YWHAB: variants seen among roughly 807,000 people sequenced by gnomAD.
YWHAB encodes the protein tyrosine 3-monooxygenase/tryptophan 5-monooxygenase activation protein beta, also known as 14-3-3 protein beta/alpha.
YWHAB carries 2 observed loss-of-function variants against 28.5 expected under a neutral mutation model. That is an observed-to-expected ratio of 0.07 (90% CI 0.03 to 0.22). The LOEUF is 0.22. Ranked by LOEUF, YWHAB falls within the 10% of genes least tolerant of loss-of-function variation. The pLI is 1.00. For synonymous variants in YWHAB, 103 were observed against 104.7 expected (o/e 0.98, Z 0.10); for missense variants, 148 against 297.1 (o/e 0.50, Z 3.69).
intron 2 of YWHAB, chr20:44,903,636 G>A (rs1002016251): frequency 1.1e-5 from 2 of 178,136 alleles, no homozygotes; most frequent in African/African-American, 4.8e-5. Context: ...GTATCTTAAT[G>A]TTAAAATAGG....
chr20:44,895,827 A>C (rs2066592674), intron 1 of YWHAB, among the ~76,000 whole-genome samples: 1 of 152,200 alleles, frequency 6.6e-6, no homozygotes, highest in Admixed American at 6.5e-5. Context: ...CTAGGTACAA[A>C]TGTAATGAAG....
At position 44,903,671 on chromosome 20, in the gene YWHAB, T is replaced by C. The variant is rs962820441; in HGVS notation, c.301-322T>C. Reference sequence around the variant, plus strand: ...GATTCTTGTGGTATTTATAATCTGCTTTTTTTCCACTCAGATTTCTTTTGA... The same window carrying C: ...GATTCTTGTGGTATTTATAATCTGCCTTTTTTCCACTCAGATTTCTTTTGA... On this transcript the variant is annotated intron_variant, in intron 2 of 5. Coordinates refer to ENST00000353703, the MANE Select transcript of YWHAB (RefSeq NM_139323.4). The C allele has an allele frequency of 7.1e-5, 14 of 197,310 alleles. No individual in the cohort carries two copies. In the Admixed American group the frequency reaches 8.3e-4, roughly 12 times the overall value. 12.2% of individuals were successfully genotyped at this position (197,310 alleles called of 1,614,324 possible).
intron 4 of YWHAB, 157 bp downstream of exon 4, chr20:44,905,288 CT>C (rs1568637479): frequency 4.8e-6 from 3 of 619,024 alleles, no homozygotes; most frequent in Non-Finnish European, 5.0e-6. Flanking sequence ...AGATCTGTTA[CT>C]TTTTTAATTC....
chr20:44,888,473 A>G (rs1389033157), intron 1 of YWHAB, among the ~76,000 whole-genome samples: 1 of 152,238 alleles, frequency 6.6e-6, no homozygotes, highest in Non-Finnish European at 1.5e-5. Context: ...AGCGCAAGGT[A>G]AGTGCCAGAA....
At chr20:44,904,158 C>T in intron 3 of YWHAB, 42 bp downstream of exon 3, 2 of 1,606,800 alleles carry the variant, frequency 1.2e-6, no homozygotes, top group Non-Finnish European at 1.7e-6. Flanking sequence ...AGTAATGGAG[C>T]CAGTCTTCTT....
At chr20:44,892,613 A>G (rs1256001491) in intron 1 of YWHAB, among the ~76,000 whole-genome samples, 1 of 152,226 alleles carries the variant, frequency 6.6e-6, no homozygotes, top group East Asian at 1.9e-4. Context: ...ATTGGATTAT[A>G]TGTGTTACAT....
At chr20:44,895,225 A>G (rs1439504583) in intron 1 of YWHAB, among the ~76,000 whole-genome samples, 1 of 152,198 alleles carries the variant, frequency 6.6e-6, no homozygotes, top group African/African-American at 2.4e-5. Flanking sequence ...CTCTAGATGA[A>G]GGGAACTACA....
chr20:44,886,991 T>C lies in YWHAB; in HGVS notation c.-4+1105T>C, dbSNP rs1375498114. 2.0e-5 allele frequency: 3 copies of C among 152,234 alleles called. 1 individual carries two copies. The highest frequency in any genetic ancestry group is 4.1e-4 in the South Asian group (2 of 4,834). The allele number at this position is 152,234 out of a possible 1,614,324, so 9.4% of individuals were successfully genotyped here. On this transcript the variant is annotated intron_variant, in intron 1 of 5. Coordinates refer to ENST00000353703, the MANE Select transcript of YWHAB (RefSeq NM_139323.4). ...CCAAAAGAGAAAGGTGAAGCACTTA[T>C]AAGAATATGAAAATTGTCTGCATTT...
intron 1 of YWHAB, among the ~76,000 whole-genome samples, chr20:44,893,950 G>A (rs2066579684): frequency 6.6e-6 from 1 of 152,110 alleles, no homozygotes; most frequent in Admixed American, 6.5e-5. Flanking sequence ...GCCTGCCTTG[G>A]CCTCCCAAAG....
At chr20:44,893,710 T>G (rs1328390508) in intron 1 of YWHAB, among the ~76,000 whole-genome samples, 1 of 147,792 alleles carries the variant, frequency 6.8e-6, no homozygotes, top group Non-Finnish European at 1.5e-5. Flanking sequence ...TTTTTTTTTT[T>G]TTTTTGAGAC....
At chr20:44,894,000 C>A (rs2066580135) in intron 1 of YWHAB, among the ~76,000 whole-genome samples, 1 of 152,088 alleles carries the variant, frequency 6.6e-6, no homozygotes, top group African/African-American at 2.4e-5. Context: ...CCTGGCCAGT[C>A]TCCTTATTTT....
intron 1 of YWHAB, among the ~76,000 whole-genome samples, chr20:44,893,510 C>A (rs1293000285): frequency 1.3e-5 from 2 of 151,932 alleles, no homozygotes; most frequent in Non-Finnish European, 2.9e-5. Flanking sequence ...CCAGTGTTAA[C>A]CATTTGGTGT....
At chr20:44,897,422 A>G (rs535329668) in intron 1 of YWHAB, among the ~76,000 whole-genome samples, 1 of 152,346 alleles carries the variant, frequency 6.6e-6, no homozygotes, top group East Asian at 1.9e-4. Context: ...GAGTTAGTCT[A>G]CAGACTGGAA....
chr20:44,888,329 G>A (rs1256317755), intron 1 of YWHAB, among the ~76,000 whole-genome samples: 1 of 152,190 alleles, frequency 6.6e-6, no homozygotes, highest in East Asian at 1.9e-4. Flanking sequence ...TGTGTGCTAA[G>A]CTTTCTTTTA....
chr20:44,898,367 T>G (rs963006564), intron 1 of YWHAB, among the ~76,000 whole-genome samples: 1 of 152,210 alleles, frequency 6.6e-6, no homozygotes, highest in African/African-American at 2.4e-5. Context: ...CTGAATCACC[T>G]AGATTTTGAG....
At chr20:44,898,367 T>C (rs963006564) in intron 1 of YWHAB, among the ~76,000 whole-genome samples, 2 of 152,210 alleles carry the variant, frequency 1.3e-5, no homozygotes, top group African/African-American at 4.8e-5. Context: ...CTGAATCACC[T>C]AGATTTTGAG....
At chr20:44,904,144 G>A (rs754035220) in intron 3 of YWHAB, 28 bp downstream of exon 3, 9 of 1,610,098 alleles carry the variant, frequency 5.6e-6, no homozygotes, top group Non-Finnish European at 7.6e-6. Context: ...AAAGAAATTC[G>A]ACCAGTAATG....
intron 1 of YWHAB, among the ~76,000 whole-genome samples, chr20:44,893,759 C>T (rs1472537502): frequency 1.5e-5 from 2 of 129,570 alleles, no homozygotes; most frequent in African/African-American, 6.3e-5. Flanking sequence ...AGTGTAGTGG[C>T]GCAGTTTCGG....
At chr20:44,889,478 A>G in intron 1 of YWHAB, among the ~76,000 whole-genome samples, 1 of 131,692 alleles carries the variant, frequency 7.6e-6, no homozygotes, top group Non-Finnish European at 1.6e-5. Context: ...TTTTTTTTTT[A>G]AATTCTGGCC....
Sources: gnomAD v4.1 joint callset for allele counts (sites outside exome capture counted in the v4.1 genomes callset) on GRCh38, gnomAD v4.1.1 for gene constraint, MANE v1.5 for transcripts, NCBI Gene and HGNC (gene_info 2026-07-23, HGNC 2026-07-21) for gene names.